The following ZNF407 variants were observed in gnomAD, a reference collection of about 807,000 sequenced individuals.
ZNF407 encodes zinc finger protein 407.
A neutral mutation model predicts 131.2 loss-of-function variants in ZNF407; 17 were observed. The ratio of observed to expected loss-of-function variants is 0.13; its 90% CI spans 0.09 to 0.19. ZNF407 has a LOEUF of 0.19. ZNF407 is among the 10% of genes least tolerant of loss of function. ZNF407 has a pLI of 1.00. For missense variants in ZNF407, 2,681 were observed against 2,830.6 expected (o/e 0.95, Z 1.20); for synonymous variants, 1,156 against 1,062.0 (o/e 1.09, Z -1.72).
chr18:74,755,885 CTTTTTTTTTTT>C (rs34750560), intron 3 of ZNF407, among the ~76,000 whole-genome samples: 4 of 25,822 alleles, frequency 1.5e-4, no homozygotes, highest in African/African-American at 4.0e-4. Context: ...CTTTTCCTTC[CTTTTTTTTTTT>C]TTTTTTTTTT....
intron 8 of ZNF407, among the ~76,000 whole-genome samples, chr18:74,925,954 G>A (rs532270329): frequency 3.9e-5 from 6 of 152,056 alleles, no homozygotes; most frequent in South Asian, 4.1e-4. Flanking sequence ...CCTCTCTTTC[G>A]TGTTAACCTT....
chr18:74,874,919 C>T (rs1485977966), intron 4 of ZNF407, among the ~76,000 whole-genome samples: 4 of 152,122 alleles, frequency 2.6e-5, no homozygotes, highest in Admixed American at 2.0e-4. Context: ...AGAACACACA[C>T]TGATGTCCCT....
intron 3 of ZNF407, among the ~76,000 whole-genome samples, chr18:74,705,680 TTAAA>T (rs1270342972): frequency 6.6e-6 from 1 of 152,162 alleles, no homozygotes; most frequent in Non-Finnish European, 1.5e-5. Context: ...TTATTAACGA[TTAAA>T]TAAGTAGGGA....
chr18:74,617,855 G>A (rs1413982911), intron 1 of ZNF407, among the ~76,000 whole-genome samples: 1 of 150,128 alleles, frequency 6.7e-6, no homozygotes, highest in African/African-American at 2.5e-5. Flanking sequence ...AATCTAAAAC[G>A]CCCCCCCTAG....
At chr18:74,861,256 A>T (rs1392659061) in intron 4 of ZNF407, among the ~76,000 whole-genome samples, 1 of 152,220 alleles carries the variant, frequency 6.6e-6, no homozygotes, top group Admixed American at 6.5e-5. Context: ...CCTGGGAGGA[A>T]GCTGTCAGGC....
At chr18:74,658,928 A>C (rs1044444434) in intron 3 of ZNF407, among the ~76,000 whole-genome samples, 1 of 152,138 alleles carries the variant, frequency 6.6e-6, no homozygotes, top group African/African-American at 2.4e-5. Flanking sequence ...TTATATATCT[A>C]TCTATATATA....
chr18:74,823,538 CA>C (rs892491928), intron 4 of ZNF407, among the ~76,000 whole-genome samples: 1 of 150,678 alleles, frequency 6.6e-6, no homozygotes, highest in East Asian at 1.9e-4. Context: ...AAATGGAAAG[CA>C]AAAAAAAGCA....
intron 3 of ZNF407, among the ~76,000 whole-genome samples, chr18:74,780,055 A>T (rs746517602): frequency 6.6e-6 from 1 of 151,810 alleles, no homozygotes; most frequent in Non-Finnish European, 1.5e-5. Flanking sequence ...ATATTATCAC[A>T]GTTTTTTTAT....
At chr18:75,060,652 C>G (rs1973620060) in intron 8 of ZNF407, among the ~76,000 whole-genome samples, 2 of 151,892 alleles carry the variant, frequency 1.3e-5, no homozygotes, top group South Asian at 4.2e-4. Flanking sequence ...ATTACAGGCA[C>G]CCGCCACCGC....
In ZNF407 at chr18:75,042,495, C is replaced by T. The variant is rs148935162; in HGVS notation, c.5429-20655C>T. The stretch of plus-strand genomic sequence containing the variant: ...CTGTAGAGAGAAAATGATGTAACTG[C>T]CCACTGAATTTAGGAGTGCTCCACA... On this transcript the variant is annotated intron_variant, in intron 8 of 8. Transcript: ENST00000299687. Among the ~76,000 whole-genome samples the T allele has an allele frequency of 3.3e-5, 5 of 152,202 alleles. No homozygotes were observed. The East Asian group carries it at 7.7e-4, about 23-fold the overall frequency.
intron 4 of ZNF407, among the ~76,000 whole-genome samples, chr18:74,808,849 G>A (rs1970152405): frequency 6.6e-6 from 1 of 152,082 alleles, no homozygotes; most frequent in African/African-American, 2.4e-5. Flanking sequence ...AAAGCTAATG[G>A]TAATGTTCCT....
chr18:74,957,292 C>T (rs1362439085), intron 8 of ZNF407, among the ~76,000 whole-genome samples: 4 of 152,168 alleles, frequency 2.6e-5, no homozygotes, highest in East Asian at 1.9e-4. Flanking sequence ...AGTCAGCCCA[C>T]GCCCCTCAGC....
intron 4 of ZNF407, among the ~76,000 whole-genome samples, chr18:74,839,373 A>G (rs1038268564): frequency 6.6e-6 from 1 of 152,236 alleles, no homozygotes; most frequent in African/African-American, 2.4e-5. Flanking sequence ...TTGGGTAGCT[A>G]GGCAAGTCTG....
rs1431523164 is a variant in ZNF407 at position 74,958,936 on chromosome 18, T to A, written c.5428+38244T>A. ...TGCAGGGTTGACAGGTGGATAGGAT[T>A]TGAATGGAGAGGCGGAAGTTACTGG... is the stretch of plus-strand genomic sequence containing the variant. On this transcript the variant is annotated intron_variant, in intron 8 of 8. Coordinates refer to ENST00000299687, the MANE Select transcript of ZNF407 (RefSeq NM_017757.3). 1.3e-5 allele frequency among the ~76,000 whole-genome samples: 2 copies of A among 152,194 alleles called. 1 individual carries two copies. The highest frequency in any genetic ancestry group is 2.9e-5 in the Non-Finnish European group (2 of 68,036).
intron 1 of ZNF407, among the ~76,000 whole-genome samples, chr18:74,603,143 A>G (rs575020149): frequency 1.3e-5 from 2 of 152,182 alleles, no homozygotes; most frequent in Non-Finnish European, 2.9e-5. Flanking sequence ...AGGTTCATGC[A>G]TTTGGTCATG....
chr18:74,920,499 T>G lies in ZNF407; in HGVS notation c.5250-15T>G. The G allele has an allele frequency of 6.4e-7, 1 of 1,557,030 alleles. No homozygotes were observed. The highest frequency in any genetic ancestry group is 2.3e-5 in the East Asian group (1 of 43,800). The stretch of plus-strand genomic sequence containing the variant: ...TTGACCTTAATTAGATTTACTTTTC[T>G]GTCTTACTTGGTAGGTCAAACTGTG... On this transcript the variant is annotated splice_polypyrimidine_tract_variant and intron_variant, in intron 7 of 8. Coordinates refer to ENST00000299687, the MANE Select transcript of ZNF407 (RefSeq NM_017757.3).
chr18:74,787,975 A>G (rs1246036196), intron 4 of ZNF407, among the ~76,000 whole-genome samples: 4 of 152,204 alleles, frequency 2.6e-5, no homozygotes, highest in African/African-American at 9.7e-5. Flanking sequence ...TATTCCAGAG[A>G]AAGTTGTACT....
intron 3 of ZNF407, among the ~76,000 whole-genome samples, chr18:74,708,528 G>A (rs921221949): frequency 1.3e-5 from 2 of 149,746 alleles, no homozygotes; most frequent in Non-Finnish European, 3.0e-5. Context: ...TGCTTCAGGT[G>A]TATTCCTGGG....
intron 8 of ZNF407, among the ~76,000 whole-genome samples, chr18:74,955,461 T>C (rs1387685074): frequency 6.6e-6 from 1 of 152,090 alleles, no homozygotes; most frequent in Non-Finnish European, 1.5e-5. Flanking sequence ...GGGAGATGAA[T>C]CAGGAAAATA....
Sources: allele counts gnomAD v4.1 joint callset (sites outside exome capture counted in the v4.1 genomes callset), GRCh38; gene constraint gnomAD v4.1.1; transcripts MANE v1.5; gene names NCBI Gene and HGNC (gene_info 2026-07-23, HGNC 2026-07-21).